USH2A: variants seen among roughly 807,000 people sequenced by gnomAD.
USH2A encodes usherin, also known as Usher syndrome 2A (autosomal recessive, mild).
USH2A carries 443 observed loss-of-function variants against 538.9 expected under a neutral mutation model. The ratio of observed to expected loss-of-function variants is 0.82; its 90% CI spans 0.76 to 0.89. The LOEUF is 0.89. Ranked by LOEUF, USH2A falls within the 40% of genes least tolerant of loss-of-function variation. USH2A has a pLI of 0.00. For synonymous variants in USH2A, 2,413 were observed against 2,273.5 expected (o/e 1.06, Z -1.75); for missense variants, 6,633 against 6,324.8 (o/e 1.05, Z -1.65).
At chr1:216,203,691 G>A (rs2035048725) in intron 16 of USH2A, among the ~76,000 whole-genome samples, 2 of 152,214 alleles carry the variant, frequency 1.3e-5, no homozygotes, top group South Asian at 2.1e-4. Flanking sequence ...CCTTGATGTA[G>A]TATGAGATTA....
intron 38 of USH2A, among the ~76,000 whole-genome samples, chr1:215,913,653 G>A (rs1172488975): frequency 6.6e-6 from 1 of 152,054 alleles, no homozygotes; most frequent in Non-Finnish European, 1.5e-5. Flanking sequence ...ACAGATGGTG[G>A]TGGCTACTCC....
chr1:215,958,154 ATTTTTAT>A (rs1364337189), intron 37 of USH2A, among the ~76,000 whole-genome samples: 2 of 152,054 alleles, frequency 1.3e-5, no homozygotes, highest in Non-Finnish European at 2.9e-5. Context: ...CCATCTTGTA[ATTTTTAT>A]AAAACACAGT....
At chr1:215,766,476 G>A (rs1236958588) in intron 56 of USH2A, among the ~76,000 whole-genome samples, 1 of 152,044 alleles carries the variant, frequency 6.6e-6, no homozygotes, top group African/African-American at 2.4e-5. Flanking sequence ...ACTCTATAAA[G>A]GTTAAAGAAT....
chr1:216,169,446 G>T (rs899761104), intron 21 of USH2A, among the ~76,000 whole-genome samples: 3 of 152,108 alleles, frequency 2.0e-5, no homozygotes, highest in Non-Finnish European at 4.4e-5. Context: ...GTTGATGAAT[G>T]GGGAAATAAT....
chr1:216,286,748 TA>T (rs2036894095), intron 11 of USH2A, among the ~76,000 whole-genome samples: 1 of 151,746 alleles, frequency 6.6e-6, no homozygotes, highest in Non-Finnish European at 1.5e-5. Context: ...AATAAATAAA[TA>T]AAAACCTATT....
chr1:216,059,933 C>CT (rs1296168105), intron 30 of USH2A, among the ~76,000 whole-genome samples: 1 of 152,134 alleles, frequency 6.6e-6, no homozygotes, highest in East Asian at 1.9e-4. Flanking sequence ...TCAAGATCCC[C>CT]AATTCTTACT....
rs1317329452 is a variant in USH2A, at chr1:216,421,843, A to G, written c.485+9T>C. ...ACCTATGAAAGCTTATACCTACACT[A>G]CTACTTACATTACACCTTGTTGCTC... On this transcript the variant is annotated intron_variant, in intron 2 of 71. Coordinates refer to ENST00000307340, the MANE Select transcript of USH2A (RefSeq NM_206933.4). 6.2e-7 allele frequency: 1 copy of G among 1,613,848 alleles called. No individual in the cohort carries two copies. The highest frequency in any genetic ancestry group is 1.7e-5 in the Admixed American group (1 of 59,978).
chr1:216,233,993 A>G (rs1159721809), intron 13 of USH2A, among the ~76,000 whole-genome samples: 2 of 152,224 alleles, frequency 1.3e-5, no homozygotes, highest in Non-Finnish European at 2.9e-5. Context: ...AAGGATTCTA[A>G]TGAATACAGT....
At chr1:215,986,279 C>A (rs1174876815) in intron 35 of USH2A, among the ~76,000 whole-genome samples, 1 of 150,886 alleles carries the variant, frequency 6.6e-6, no homozygotes, top group Non-Finnish European at 1.5e-5. Flanking sequence ...ACTACCACGC[C>A]TGGCTAATTT....
rs748321075 is a variant in USH2A, at chr1:216,421,894, A to T, written c.443T>A (p.Phe148Tyr). ...SPPSPKLMAS[F>Y]TLAVWLKPEQ... Reference sequence around the variant, plus strand: ...AGGTTTCAGCCATACAGCTAAGGTAAATGATGCCATCAGCTTTGGAGAAGG... The same window carrying T: ...AGGTTTCAGCCATACAGCTAAGGTATATGATGCCATCAGCTTTGGAGAAGG... Residue 148 changes from phenylalanine to tyrosine, a missense_variant, in exon 2 of 72, where the codon TTT becomes TAT. Physicochemically the swap from Phe to Tyr is conservative, Grantham distance 22. Transcript: ENST00000307340. 6.8e-6 allele frequency: 11 copies of T among 1,613,966 alleles called. No individual in the cohort carries two copies. The highest frequency in any genetic ancestry group is 9.3e-6 in the Non-Finnish European group (11 of 1,179,918).
chr1:216,085,202 A>C, intron 24 of USH2A: 1 of 290,534 alleles, frequency 3.4e-6, no homozygotes. Context: ...AAGTACTATA[A>C]TTTTAAAAGT....
intron 4 of USH2A, among the ~76,000 whole-genome samples, chr1:216,337,481 T>A (rs916299626): frequency 6.6e-5 from 10 of 151,450 alleles, no homozygotes; most frequent in African/African-American, 2.4e-4. Flanking sequence ...ATCTGCCATG[T>A]CTTGAAAAAT....
chr1:216,381,145 T>A (rs1022813898), intron 3 of USH2A, among the ~76,000 whole-genome samples: 2 of 152,018 alleles, frequency 1.3e-5, no homozygotes, highest in Non-Finnish European at 2.9e-5. Flanking sequence ...GTGGTGGTCA[T>A]TGAGATACGT....
chr1:216,108,704 A>T (rs1299639378), intron 21 of USH2A, among the ~76,000 whole-genome samples: 1 of 151,854 alleles, frequency 6.6e-6, no homozygotes, highest in African/African-American at 2.4e-5. Flanking sequence ...AAATTCATTA[A>T]TCTTTTATTC....
chr1:216,315,986 C>T (rs138614631), intron 9 of USH2A, among the ~76,000 whole-genome samples: 4 of 151,750 alleles, frequency 2.6e-5, no homozygotes, highest in Non-Finnish European at 5.9e-5. Flanking sequence ...GCATTTACTG[C>T]TTTTTTTTCA....
chr1:215,954,244 G>A (rs1243965590), intron 37 of USH2A, among the ~76,000 whole-genome samples: 1 of 152,022 alleles, frequency 6.6e-6, no homozygotes, highest in Admixed American at 6.6e-5. Context: ...AAATCATGCT[G>A]CTATAAAGAC....
At chr1:216,372,614 C>A (rs1267085887) in intron 3 of USH2A, among the ~76,000 whole-genome samples, 2 of 151,996 alleles carry the variant, frequency 1.3e-5, no homozygotes, top group African/African-American at 4.8e-5. Context: ...ACTCTCATGG[C>A]CTCTTCTTCC....
rs2102546509 is a variant in USH2A at position 216,247,213 on chromosome 1, A to G, written c.2181T>C (p.Asp727=). The change falls in exon 13 of 72, where the codon GAT becomes GAC. Residue 727 remains aspartate (D), a synonymous_variant. Coordinates refer to ENST00000307340, the MANE Select transcript of USH2A (RefSeq NM_206933.4). ...GAAATTTAAATCCAAAATTGCAATG[A>G]TCACACCTAAGCCCTAAAGATAAAA... ...CKANVIGLRC[D]HCNFGFKFLR... is the part of the protein sequence containing the mutation. The G allele has an allele frequency of 6.2e-7, 1 of 1,614,012 alleles. No homozygotes were observed. The highest frequency in any genetic ancestry group is 8.5e-7 in the Non-Finnish European group (1 of 1,179,918).
chr1:216,052,406 T>C (rs2102530357), intron 30 of USH2A, among the ~76,000 whole-genome samples: 1 of 151,652 alleles, frequency 6.6e-6, no homozygotes, highest in South Asian at 2.1e-4. Context: ...GCTGATGTTT[T>C]GGTTCTTGCC....
Sources: gnomAD v4.1 joint callset for allele counts (sites outside exome capture counted in the v4.1 genomes callset) on GRCh38, gnomAD v4.1.1 for gene constraint, MANE v1.5 for transcripts, NCBI Gene and HGNC (gene_info 2026-07-23, HGNC 2026-07-21) for gene names.